The following IDNK variants were observed in gnomAD, a reference collection of about 807,000 sequenced individuals.
IDNK encodes the protein IDNK gluconokinase.
IDNK carries 9 observed loss-of-function variants against 13.0 expected under a neutral mutation model. The ratio of observed to expected loss-of-function variants is 0.69; its 90% confidence interval spans 0.42 to 1.21. IDNK has a LOEUF of 1.21. IDNK is among the 50% of genes most tolerant of loss of function. IDNK has a pLI of 0.00. For synonymous variants in IDNK, 92 were observed against 94.9 expected (o/e 0.97, Z 0.18); for missense variants, 210 against 237.8 (o/e 0.88, Z 0.77).
chr9:83,631,435 T>C (rs1211376342), intron 3 of IDNK, among the ~76,000 whole-genome samples: 1 of 65,190 alleles, frequency 1.5e-5, no homozygotes, highest in Admixed American at 2.1e-4. Flanking sequence ...AGCAAGTCCC[T>C]GCCTCTACAA....
chr9:83,628,520 G>A (rs1023218953), intron 2 of IDNK, among the ~76,000 whole-genome samples: 12 of 152,118 alleles, frequency 7.9e-5, no homozygotes, highest in Non-Finnish European at 1.6e-4. Context: ...ATGGTTGCAC[G>A]CGCCTACTGT....
intron 3 of IDNK, among the ~76,000 whole-genome samples, chr9:83,636,188 A>G (rs1428733388): frequency 6.6e-6 from 1 of 152,222 alleles, no homozygotes; most frequent in African/African-American, 2.4e-5. Context: ...CTTAGGAATT[A>G]CTCAAACTTA....
chr9:83,626,971 C>A, intron 1 of IDNK: 2 of 363,426 alleles, frequency 5.5e-6, no homozygotes, highest in Non-Finnish European at 7.8e-6. Context: ...TGTTAGGCAA[C>A]AGTATCCAGC....
chr9:83,630,059 A>C (rs1036513781), intron 3 of IDNK, among the ~76,000 whole-genome samples: 5 of 152,238 alleles, frequency 3.3e-5, no homozygotes, highest in Non-Finnish European at 5.9e-5. Context: ...CTGGCCGCAG[A>C]CCAACACTGT....
At chr9:83,630,575 CAATA>C (rs1238545432) in intron 3 of IDNK, among the ~76,000 whole-genome samples, 1 of 152,118 alleles carries the variant, frequency 6.6e-6, no homozygotes, top group Non-Finnish European at 1.5e-5. Context: ...CTGTAGCATT[CAATA>C]AATATCACGT....
rs978847754 is a variant in IDNK, at chr9:83,628,061, C to T, written c.51-120C>T. ...CGGGCATCACTGCTTTAGGATTACA[C>T]AGTGATTGGTGTTTAAATTCCTGCT... On this transcript the variant is annotated intron_variant, in intron 1 of 4. Transcript: ENST00000376419. 3 of 1,516,132 alleles carry T rather than the reference C, an allele frequency of 2.0e-6. No homozygotes were observed. In the African/African-American group the frequency reaches 4.1e-5, roughly 21 times the overall value. 93.9% of individuals were successfully genotyped at this position (1,516,132 alleles called of 1,614,324 possible).
chr9:83,639,526 A>T (rs375846642), intron 3 of IDNK, among the ~76,000 whole-genome samples: 94 of 152,372 alleles, frequency 6.2e-4, no homozygotes, highest in African/African-American at 2.2e-3. Context: ...TTGACAAAAT[A>T]AAAATAGATC....
chr9:83,632,660 C>T (rs1216349005), intron 3 of IDNK, among the ~76,000 whole-genome samples: 2 of 151,148 alleles, frequency 1.3e-5, no homozygotes, highest in African/African-American at 2.4e-5. Flanking sequence ...GTAGGGTTTG[C>T]GGGCTGTGTG....
chr9:83,635,484 G>T (rs1831138985), intron 3 of IDNK, among the ~76,000 whole-genome samples: 1 of 152,256 alleles, frequency 6.6e-6, no homozygotes, highest in Non-Finnish European at 1.5e-5. Flanking sequence ...GCTGGACAGT[G>T]CTTCACATTT....
chr9:83,624,858 C>T (rs142318598), intron 1 of IDNK, among the ~76,000 whole-genome samples: 354 of 152,180 alleles, frequency 2.3e-3, no homozygotes, highest in East Asian at 7.7e-3. Context: ...GGATTATAGG[C>T]GCCCACCACC....
intron 3 of IDNK, among the ~76,000 whole-genome samples, chr9:83,633,444 A>T (rs1379127528): frequency 6.6e-6 from 1 of 152,200 alleles, no homozygotes; most frequent in Non-Finnish European, 1.5e-5. Flanking sequence ...AGGTGACTTA[A>T]TAGATTACTC....
chr9:83,635,395 G>A (rs753174505), intron 3 of IDNK, among the ~76,000 whole-genome samples: 2 of 152,206 alleles, frequency 1.3e-5, no homozygotes, highest in Non-Finnish European at 1.5e-5. Context: ...ATCTGGTGGC[G>A]CGAGACCATG....
intron 3 of IDNK, among the ~76,000 whole-genome samples, chr9:83,633,501 T>A (rs1185518266): frequency 6.6e-6 from 1 of 152,198 alleles, no homozygotes; most frequent in Non-Finnish European, 1.5e-5. Flanking sequence ...TTCATATTTA[T>A]CCCCAGTGCT....
intron 2 of IDNK, 53 bp downstream of exon 2, chr9:83,628,264 C>A: frequency 7.1e-7 from 1 of 1,401,622 alleles, no homozygotes. Flanking sequence ...GTGTTCTGGT[C>A]TCCTTGCATC....
chr9:83,642,405 G>A (rs967839590), intron 4 of IDNK, among the ~76,000 whole-genome samples: 4 of 152,156 alleles, frequency 2.6e-5, no homozygotes, highest in Non-Finnish European at 5.9e-5. Context: ...TGATTTAGGG[G>A]TTTATGGTTC....
intron 1 of IDNK, chr9:83,626,713 A>T: frequency 7.9e-7 from 1 of 1,265,434 alleles, no homozygotes; most frequent in Non-Finnish European, 1.0e-6. Context: ...CAAGGGCTCA[A>T]CCTAACTTGG....
intron 1 of IDNK, among the ~76,000 whole-genome samples, chr9:83,625,317 G>GT (rs1830820062): frequency 6.6e-6 from 1 of 152,208 alleles, no homozygotes; most frequent in Non-Finnish European, 1.5e-5. Context: ...GAAGCTCAGT[G>GT]TGGGATATGG....
chr9:83,628,051 TAG>T, intron 1 of IDNK, 128 bp from the exon 2 acceptor site: 2 of 1,496,544 alleles, frequency 1.3e-6, no homozygotes, highest in Non-Finnish European at 1.8e-6. Flanking sequence ...ATCACTGCTT[TAG>T]GATTACACAG....
At chr9:83,640,306 A>G (rs1242945659) in intron 3 of IDNK, among the ~76,000 whole-genome samples, 1 of 152,230 alleles carries the variant, frequency 6.6e-6, no homozygotes, top group African/African-American at 2.4e-5. Context: ...CATTTTATAA[A>G]GCTAGTAAAG....
Sources: allele counts gnomAD v4.1 joint callset (sites outside exome capture counted in the v4.1 genomes callset), GRCh38; gene constraint gnomAD v4.1.1; transcripts MANE v1.5; gene names NCBI Gene and HGNC (gene_info 2026-07-23, HGNC 2026-07-21).